RAB11FIP4: variants seen among roughly 807,000 people sequenced by gnomAD.
RAB11FIP4 encodes the protein RAB11 family interacting protein 4.
Under a neutral mutation model 74.3 loss-of-function variants are expected in RAB11FIP4, and 23 were observed. The ratio of observed to expected loss-of-function variants is 0.31; its 90% CI spans 0.22 to 0.44. The LOEUF (loss-of-function observed/expected upper bound fraction) is 0.44, where lower values mean the gene tolerates loss of function less well. Ranked by LOEUF, RAB11FIP4 falls within the 20% of genes least tolerant of loss-of-function variation. The probability of loss-of-function intolerance (pLI) is 1.00; values close to 1 mark genes in which losing one functional copy is unlikely to be tolerated. For synonymous variants in RAB11FIP4, 360 were observed against 359.9 expected (o/e 1.00, Z 0.00); for missense variants, 630 against 863.9 (o/e 0.73, Z 3.39).
At chr17:31,482,452 G>A (rs963821740) in intron 3 of RAB11FIP4, among the ~76,000 whole-genome samples, 6 of 152,150 alleles carry the variant, frequency 3.9e-5, no homozygotes, top group African/African-American at 7.2e-5. Context: ...TTAGCTAAGT[G>A]TGGTGGCATA....
rs1337956032 is a variant in RAB11FIP4 at position 31,391,947 on chromosome 17, C to G, written c.95C>G (p.Pro32Arg). Residue 32 changes from proline to arginine, a missense_variant, in exon 1 of 15, where the codon CCC (proline) becomes CGC (arginine). Coordinates refer to ENST00000621161, the MANE Select transcript of RAB11FIP4 (RefSeq NM_032932.6). ...GTGTTCGAGGTGTGCGGCCGCGACC[C>G]CGACGGCTTCCTGCGCGTGGAGCGC... is the stretch of plus-strand genomic sequence containing the variant. ...REVFEVCGRD[P>R]DGFLRVERVA... is the part of the protein sequence containing the mutation. 7.2e-7 allele frequency: 1 copy of G among 1,384,768 alleles called. No homozygotes were observed. The highest frequency in any genetic ancestry group is 2.7e-5 in the Admixed American group (1 of 37,400). 85.8% of individuals were successfully genotyped at this position (1,384,768 alleles called of 1,614,324 possible).
intron 3 of RAB11FIP4, 67 bp from the exon 4 acceptor site, chr17:31,517,584 T>C: frequency 6.9e-7 from 1 of 1,458,794 alleles, no homozygotes; most frequent in Non-Finnish European, 9.4e-7. Flanking sequence ...GCCCTTGTGG[T>C]CTGATTGGAA....
At chr17:31,503,410 T>C (rs2072258479) in intron 3 of RAB11FIP4, among the ~76,000 whole-genome samples, 1 of 149,554 alleles carries the variant, frequency 6.7e-6, no homozygotes, top group South Asian at 2.1e-4. Context: ...CTTCAATATA[T>C]GAATTTTAGA....
At chr17:31,529,341 T>C (rs1051354793) in intron 13 of RAB11FIP4, among the ~76,000 whole-genome samples, 22 of 152,254 alleles carry the variant, frequency 1.4e-4, no homozygotes, top group African/African-American at 5.3e-4. Context: ...ACAGTCACTA[T>C]GGCCTCAAAT....
intron 3 of RAB11FIP4, among the ~76,000 whole-genome samples, chr17:31,437,801 C>T (rs1026699359): frequency 3.3e-5 from 5 of 152,134 alleles, no homozygotes; most frequent in Admixed American, 3.3e-4. Context: ...TCCCAGGCCC[C>T]GAGAAGCCTC....
chr17:31,454,566 G>T (rs1368331769), intron 3 of RAB11FIP4, among the ~76,000 whole-genome samples: 1 of 152,028 alleles, frequency 6.6e-6, no homozygotes, highest in Non-Finnish European at 1.5e-5. Context: ...GAGCCACTGT[G>T]CCTTGCCTAA....
rs372072970 is a variant in RAB11FIP4, at chr17:31,468,689, G to C, written c.336+34567G>C. 1.2e-4 allele frequency among the ~76,000 whole-genome samples: 18 copies of C among 152,268 alleles called. 1 individual carries two copies. The South Asian group carries it at 3.7e-3, about 32-fold the overall frequency. ...ACTAAAAGTACAAAAAATTAGCTGGGTGTGGTGGTGGGCACCTGTAATCCC... is the reference window on the plus strand; with the variant it reads ...ACTAAAAGTACAAAAAATTAGCTGGCTGTGGTGGTGGGCACCTGTAATCCC... On this transcript the variant is annotated intron_variant, in intron 3 of 14. Transcript: ENST00000621161.
chr17:31,515,424 TCACAG>T (rs1048203159), intron 3 of RAB11FIP4, among the ~76,000 whole-genome samples: 5 of 151,802 alleles, frequency 3.3e-5, no homozygotes, highest in African/African-American at 4.8e-5. Context: ...GCTCAGCCTA[TCACAG>T]CACAGGCAGG....
chr17:31,445,567 TA>T (rs2071451322), intron 3 of RAB11FIP4, among the ~76,000 whole-genome samples: 5 of 12,656 alleles, frequency 4.0e-4, no homozygotes, highest in Non-Finnish European at 5.6e-4. Context: ...TATATATATA[TA>T]TATATATATA....
intron 3 of RAB11FIP4, among the ~76,000 whole-genome samples, chr17:31,469,791 G>A (rs2071720750): frequency 6.6e-6 from 1 of 152,156 alleles, no homozygotes; most frequent in South Asian, 2.1e-4. Context: ...TATCCGTAAG[G>A]CAATCTGGCA....
chr17:31,531,455 C>T (rs191994386), intron 14 of RAB11FIP4, among the ~76,000 whole-genome samples, 161 bp from the exon 15 acceptor site: 1 of 152,316 alleles, frequency 6.6e-6, no homozygotes, highest in Admixed American at 6.5e-5. Context: ...GACTCTGGTC[C>T]TGGCATCCAA....
chr17:31,416,769 A>G (rs1398048536), intron 1 of RAB11FIP4, among the ~76,000 whole-genome samples: 3 of 152,148 alleles, frequency 2.0e-5, no homozygotes, highest in Non-Finnish European at 4.4e-5. Flanking sequence ...GCACAGCAAC[A>G]GGGTCCACTG....
At chr17:31,401,731 CAG>C (rs1248809232) in intron 1 of RAB11FIP4, among the ~76,000 whole-genome samples, 2 of 152,344 alleles carry the variant, frequency 1.3e-5, no homozygotes, top group East Asian at 3.9e-4. Context: ...ACAGGATAGA[CAG>C]AGGATTGATT....
chr17:31,411,152 A>C (rs909743260), intron 1 of RAB11FIP4, among the ~76,000 whole-genome samples: 2 of 152,184 alleles, frequency 1.3e-5, no homozygotes, highest in African/African-American at 4.8e-5. Flanking sequence ...TTCCAAGGTC[A>C]ACAGATCGAG....
chr17:31,397,169 G>A (rs1264411147), intron 1 of RAB11FIP4, among the ~76,000 whole-genome samples: 2 of 152,194 alleles, frequency 1.3e-5, no homozygotes, highest in African/African-American at 4.8e-5. Context: ...AGAAACAACT[G>A]TATCCCCACA....
Position 31,504,899 on chromosome 17 carries a change from C to T in RAB11FIP4, c.337-12752C>T, listed in dbSNP as rs966183171. The stretch of plus-strand genomic sequence containing the variant: ...TGGGACAAGTGGCATCCGCATCACC[C>T]GAGAACTTGTTAGAAATGCGTTTTC... On this transcript the variant is annotated intron_variant, in intron 3 of 14. Transcript: ENST00000621161. Among the ~76,000 whole-genome samples the T allele has an allele frequency of 9.8e-5, 15 of 152,306 alleles. No individual in the cohort carries two copies. The East Asian group carries it at 1.7e-3, about 18-fold the overall frequency.
chr17:31,522,137 C>A, intron 6 of RAB11FIP4, 88 bp downstream of exon 6: 4 of 1,552,080 alleles, frequency 2.6e-6, no homozygotes, highest in Non-Finnish European at 2.7e-6. Context: ...CGAGGCGACC[C>A]CTGCTGTCTG....
At chr17:31,443,641 G>A (rs1360468535) in intron 3 of RAB11FIP4, among the ~76,000 whole-genome samples, 1 of 152,150 alleles carries the variant, frequency 6.6e-6, no homozygotes, top group African/African-American at 2.4e-5. Flanking sequence ...CCGGTGCAGT[G>A]GCTCAGGCCT....
chr17:31,410,256 G>T (rs544756282), intron 1 of RAB11FIP4, among the ~76,000 whole-genome samples: 2 of 152,104 alleles, frequency 1.3e-5, no homozygotes, highest in Admixed American at 6.5e-5. Context: ...TGGGGATAGG[G>T]ATAAGTATCC....
Sources: allele counts gnomAD v4.1 joint callset (sites outside exome capture counted in the v4.1 genomes callset), GRCh38; gene constraint gnomAD v4.1.1; transcripts MANE v1.5; gene names NCBI Gene and HGNC (gene_info 2026-07-23, HGNC 2026-07-21).